Variants in RBM47 observed in about 807,000 individuals in gnomAD.
RBM47 encodes RNA binding motif protein 47.
Under a neutral mutation model 47.1 loss-of-function variants are expected in RBM47, and 21 were observed. That is an observed-to-expected ratio of 0.45 (90% CI 0.32 to 0.64). RBM47 has a LOEUF of 0.64. Among genes scored for constraint, RBM47 ranks in the 30% least tolerant of loss-of-function variants. RBM47 has a pLI of 0.05. For synonymous variants in RBM47, 375 were observed against 361.7 expected, an observed-to-expected ratio of 1.04 and a Z score of -0.42; for missense variants, 708 against 870.9, an observed-to-expected ratio of 0.81 and a Z score of 2.35.
chr4:40,547,463 TAAAC>T (rs1369461921), intron 1 of RBM47, among the ~76,000 whole-genome samples: 1 of 152,168 alleles, frequency 6.6e-6, no homozygotes, highest in Non-Finnish European at 1.5e-5. Flanking sequence ...AGCCTCCAGG[TAAAC>T]AAACCCTGCT....
intron 2 of RBM47, among the ~76,000 whole-genome samples, chr4:40,512,107 A>G (rs979320956): frequency 1.5e-4 from 23 of 152,040 alleles, no homozygotes; most frequent in African/African-American, 5.3e-4. Context: ...CAGACTCAAC[A>G]CAGGCTCAAT....
chr4:40,529,784 G>C (rs1374796751), intron 2 of RBM47, among the ~76,000 whole-genome samples: 3 of 149,618 alleles, frequency 2.0e-5, no homozygotes, highest in Non-Finnish European at 3.0e-5. Flanking sequence ...AGCCGAGATT[G>C]TGCCACTGCA....
At chr4:40,469,769 C>CT (rs1295630423) in intron 2 of RBM47, among the ~76,000 whole-genome samples, 1 of 151,910 alleles carries the variant, frequency 6.6e-6, no homozygotes, top group Non-Finnish European at 1.5e-5. Flanking sequence ...CCTTCTTTCC[C>CT]TTTTTATGAT....
At chr4:40,556,457 C>G (rs1037601309) in intron 1 of RBM47, among the ~76,000 whole-genome samples, 3 of 152,066 alleles carry the variant, frequency 2.0e-5, no homozygotes, top group Non-Finnish European at 4.4e-5. Context: ...AGGAGGATCA[C>G]GATCACACCA....
intron 3 of RBM47, among the ~76,000 whole-genome samples, chr4:40,446,738 C>CAAA (rs34186378): frequency 4.7e-4 from 36 of 76,250 alleles, no homozygotes; most frequent in East Asian, 1.3e-3. Context: ...GACCCAGTCT[C>CAAA]AAAAAAAAAA....
intron 2 of RBM47, among the ~76,000 whole-genome samples, chr4:40,497,844 G>A (rs1722817969): frequency 6.7e-6 from 1 of 149,074 alleles, no homozygotes; most frequent in Non-Finnish European, 1.5e-5. Context: ...TTAGTCAGGT[G>A]TGGTGGCACA....
chr4:40,541,425 A>T (rs947701322), intron 2 of RBM47, among the ~76,000 whole-genome samples: 2 of 152,204 alleles, frequency 1.3e-5, no homozygotes, highest in African/African-American at 2.4e-5. Context: ...GCGCCAGCTC[A>T]GCAGTACTCT....
At chr4:40,469,064 C>T (rs1233262587) in intron 2 of RBM47, among the ~76,000 whole-genome samples, 1 of 152,210 alleles carries the variant, frequency 6.6e-6, no homozygotes, top group African/African-American at 2.4e-5. Flanking sequence ...GAAATCATTC[C>T]TGGCAGGACT....
intron 1 of RBM47, among the ~76,000 whole-genome samples, chr4:40,597,992 C>T (rs959906675): frequency 2.0e-5 from 3 of 152,166 alleles, no homozygotes; most frequent in Admixed American, 2.0e-4. Context: ...CAACTGCTAG[C>T]CTAACTCCAC....
intron 1 of RBM47, among the ~76,000 whole-genome samples, chr4:40,590,103 T>A (rs1273868328): frequency 6.6e-6 from 1 of 152,206 alleles, no homozygotes; most frequent in Non-Finnish European, 1.5e-5. Context: ...CCATTCTAGC[T>A]GAGAGTTGCC....
intron 3 of RBM47, among the ~76,000 whole-genome samples, chr4:40,463,322 T>C (rs1322601287): frequency 6.6e-6 from 1 of 152,132 alleles, no homozygotes; most frequent in African/African-American, 2.4e-5. Context: ...GCCACCATGA[T>C]ATACCGCTTC....
chr4:40,572,366 C>CAA (rs147366103), intron 1 of RBM47, among the ~76,000 whole-genome samples: 2 of 142,514 alleles, frequency 1.4e-5, no homozygotes, highest in African/African-American at 2.6e-5. Flanking sequence ...GACTCCATCT[C>CAA]AAAAAAAAAA....
intron 2 of RBM47, among the ~76,000 whole-genome samples, chr4:40,517,911 CA>C (rs1725771915): frequency 6.6e-6 from 1 of 152,050 alleles, no homozygotes; most frequent in African/African-American, 2.4e-5. Context: ...GCAAATACTG[CA>C]CCATTTTATA....
Position 40,437,073 on chromosome 4 carries a change from C to CAAAAAAAAAAAAAAAAAAAAAA in RBM47, c.1124-427_1124-426insTTTTTTTTTTTTTTTTTTTTTT. On this transcript the variant is annotated intron_variant, in intron 4 of 6. Coordinates refer to ENST00000295971, the MANE Select transcript of RBM47 (RefSeq NM_001098634.2). ...TGGGGAGCATGGTGAGACCCTGTCT[C>CAAAAAAAAAAAAAAAAAAAAAA]AAAAAAAAAAAAAAAAAATATATAT... Among the ~76,000 whole-genome samples the CAAAAAAAAAAAAAAAAAAAAAA allele has an allele frequency of 9.4e-5, 2 of 21,292 alleles. 1 individual carries two copies. Among genetic ancestry groups the CAAAAAAAAAAAAAAAAAAAAAA allele is most frequent in the Middle Eastern group, 0.11 (2 of 18 alleles). 14.0% of individuals were successfully genotyped at this position (21,292 alleles called of 152,430 possible).
intron 2 of RBM47, among the ~76,000 whole-genome samples, chr4:40,486,934 T>C (rs1721170312): frequency 6.6e-6 from 1 of 152,246 alleles, no homozygotes; most frequent in Non-Finnish European, 1.5e-5. Context: ...TCTCTGATTG[T>C]TGCTGTTTTC....
intron 1 of RBM47, among the ~76,000 whole-genome samples, chr4:40,553,976 G>C (rs367684387): frequency 6.6e-6 from 1 of 152,126 alleles, no homozygotes; most frequent in Non-Finnish European, 1.5e-5. Flanking sequence ...AACTGAGTAC[G>C]CAAGTGCAGA....
At chr4:40,533,820 C>CT (rs553506357) in intron 2 of RBM47, among the ~76,000 whole-genome samples, 116 of 142,274 alleles carry the variant, frequency 8.2e-4, no homozygotes, top group Middle Eastern at 3.7e-3. Flanking sequence ...CTGGTTAATT[C>CT]TTTTTTTTTT....
chr4:40,510,720 G>C (rs1428211111), intron 2 of RBM47, among the ~76,000 whole-genome samples: 2 of 152,150 alleles, frequency 1.3e-5, no homozygotes, highest in Non-Finnish European at 2.9e-5. Flanking sequence ...AAAAGAAAGA[G>C]TCGTGATTTA....
At chr4:40,566,966 T>C (rs1338301927) in intron 1 of RBM47, among the ~76,000 whole-genome samples, 1 of 144,530 alleles carries the variant, frequency 6.9e-6, no homozygotes, top group Non-Finnish European at 1.5e-5. Flanking sequence ...GTCTTCATCA[T>C]TTATCCTCTC....
Sources: allele counts gnomAD v4.1 joint callset (sites outside exome capture counted in the v4.1 genomes callset), GRCh38; gene constraint gnomAD v4.1.1; transcripts MANE v1.5; gene names NCBI Gene and HGNC (gene_info 2026-07-23, HGNC 2026-07-21).